IL17RC: variants seen among roughly 807,000 people sequenced by gnomAD.
IL17RC encodes interleukin-17 receptor C.
IL17RC carries 53 observed loss-of-function variants against 86.7 expected under a neutral mutation model. The ratio of observed to expected loss-of-function variants is 0.61; its 90% confidence interval spans 0.49 to 0.77. The LOEUF (loss-of-function observed/expected upper bound fraction) is 0.77, where lower values mean the gene tolerates loss of function less well. Ranked by LOEUF, IL17RC falls within the 30% of genes least tolerant of loss-of-function variation. IL17RC has a pLI of 0.00. For synonymous variants in IL17RC, 439 were observed against 413.1 expected (o/e 1.06, Z -0.76); for missense variants, 957 against 940.0 (o/e 1.02, Z -0.24).
rs1015089471 is a variant in IL17RC at position 9,933,307 on chromosome 3, C to T, written c.1877C>T (p.Pro626Leu). 1 of 1,605,106 alleles carries T rather than the reference C, an allele frequency of 6.2e-7. No individual in the cohort carries two copies. The highest frequency in any genetic ancestry group is 8.5e-7 in the Non-Finnish European group (1 of 1,175,898). Reference protein sequence around the residue: ...VLPDFLQGRAPGSYVGACFDR... With the variant: ...VLPDFLQGRALGSYVGACFDR... Reference sequence around the variant, plus strand: ...CCCGACTTCTTGCAGGGCCGGGCGCCCGGCAGCTACGTGGGGGCCTGCTTC... The same window carrying T: ...CCCGACTTCTTGCAGGGCCGGGCGCTCGGCAGCTACGTGGGGGCCTGCTTC... The change falls in exon 19 of 19, where the codon CCC becomes CTC. Residue 626 changes from proline (P) to leucine (L), a missense_variant. Pro to Leu is a moderately conservative substitution (Grantham distance 98). Coordinates refer to ENST00000403601, the MANE Select transcript of IL17RC (RefSeq NM_153460.4).
Position 9,928,158 on chromosome 3 carries a change from CT to C in IL17RC, c.823-5del. 6.2e-7 allele frequency: 1 copy of C among 1,614,054 alleles called. No individual in the cohort carries two copies. Among genetic ancestry groups the C allele is most frequent in the Non-Finnish European group, 8.5e-7 (1 of 1,179,934 alleles). On this transcript the variant is annotated splice_polypyrimidine_tract_variant and splice_region_variant and intron_variant, in intron 9 of 18. Transcript: ENST00000403601. ...GGGGACCTGAGCAGACCCCCATTTC[CT>C]TTCCAGGTGTGGCCTCTGGAACCTG...
rs1242465976 is a variant in IL17RC, at chr3:9,930,493, C to T, written c.1338+34C>T. 4.4e-6 allele frequency: 7 copies of T among 1,602,602 alleles called. No individual in the cohort carries two copies. The highest frequency in any genetic ancestry group is 6.0e-6 in the Non-Finnish European group (7 of 1,170,204). Reference sequence around the variant, plus strand: ...GTGGAAGAAGGGCCCCACCTCAATGCCTAGGGGCAACAGGCCTAAAACTAG... The same window carrying T: ...GTGGAAGAAGGGCCCCACCTCAATGTCTAGGGGCAACAGGCCTAAAACTAG... On this transcript the variant is annotated intron_variant, in intron 15 of 18. Transcript: ENST00000403601. The surrounding 1 kb of genome is among the most constrained non-coding windows in gnomAD (Gnocchi z 5.8).
chr3:9,917,386 T>C lies in IL17RC; in HGVS notation c.71T>C (p.Leu24Pro). 6.2e-7 allele frequency: 1 copy of C among 1,614,146 alleles called. No individual in the cohort carries two copies. The highest frequency in any genetic ancestry group is 8.5e-7 in the Non-Finnish European group (1 of 1,179,990). The change falls in exon 1 of 19, where the codon CTT (leucine) becomes CCT (proline). Residue 24 changes from leucine (L) to proline (P), a missense_variant. Transcript: ENST00000403601. ...RSPVVLSLER[L>P]VGPQDATHCS... The stretch of plus-strand genomic sequence containing the variant: ...CCAGTGGTCCTTTCTCTGGAGAGGC[T>C]TGTGGGGCCTCAGGACGCTACCCAC...
At position 9,928,587 on chromosome 3, in the gene IL17RC, T is replaced by G; in HGVS notation, c.1067T>G (p.Leu356Arg). ...ATTCCTCTCTTTCCACAGAAGGTTC[T>G]CGAGTTCCCATTGCTGAAAGGCCAC... ...SWENVTVDKV[L>R]EFPLLKGHPN... Residue 356 changes from leucine to arginine, a missense_variant, in exon 12 of 19, where the codon CTC (leucine) becomes CGC (arginine). Physicochemically the swap from Leu to Arg is moderately radical, Grantham distance 102 (BLOSUM62 -2). Coordinates refer to ENST00000403601, the MANE Select transcript of IL17RC (RefSeq NM_153460.4). 6.2e-7 allele frequency: 1 copy of G among 1,613,808 alleles called. No homozygotes were observed. Among genetic ancestry groups the G allele is most frequent in the Non-Finnish European group, 8.5e-7 (1 of 1,180,012 alleles).
At position 9,933,124 on chromosome 3, in the gene IL17RC, C is replaced by A; in HGVS notation, c.1694C>A (p.Ala565Glu). 1 of 1,587,404 alleles carries A rather than the reference C, an allele frequency of 6.3e-7. No individual in the cohort carries two copies. The highest frequency in any genetic ancestry group is 8.5e-7 in the Non-Finnish European group (1 of 1,171,316). ...SAQGPVAWFH[A>E]QRRQTLQEGG... ...CAGGGGCCCGTGGCTTGGTTTCACGCGCAGCGGCGCCAGACCCTGCAGGAG... is the reference window on the plus strand; with the variant it reads ...CAGGGGCCCGTGGCTTGGTTTCACGAGCAGCGGCGCCAGACCCTGCAGGAG... Residue 565 changes from alanine to glutamate, a missense_variant, in exon 19 of 19, where the codon GCG becomes GAG. Coordinates refer to ENST00000403601, the MANE Select transcript of IL17RC (RefSeq NM_153460.4).
chr3:9,920,960 A>G lies in IL17RC; in HGVS notation c.613A>G (p.Ser205Gly). ...GCTCGAAGTCTGGAACAGCATCCCG[A>G]GCTGCTGGGGTAGGGGCTAGGGCCA... ...RGLEVWNSIP[S>G]CWALPWLNVS... The change falls in exon 7 of 19, where the codon AGC (serine) becomes GGC (glycine). Residue 205 changes from serine (S) to glycine (G), a missense_variant. Coordinates refer to ENST00000403601, the MANE Select transcript of IL17RC (RefSeq NM_153460.4). 6.3e-7 allele frequency: 1 copy of G among 1,591,662 alleles called. No individual in the cohort carries two copies.
Position 9,928,610 on chromosome 3 carries a change from C to T in IL17RC, c.1090C>T (p.His364Tyr). ...KVLEFPLLKG[H>Y]PNLCVQVNSS... ...TCTCGAGTTCCCATTGCTGAAAGGC[C>T]ACCCTAACCTCTGTGTTCAGGTCAG... Residue 364 changes from histidine (H) to tyrosine (Y), a missense_variant, in exon 12 of 19, where the codon CAC becomes TAC. Coordinates refer to ENST00000403601, the MANE Select transcript of IL17RC (RefSeq NM_153460.4). The T allele has an allele frequency of 6.2e-7, 1 of 1,613,754 alleles. No homozygotes were observed. The highest frequency in any genetic ancestry group is 1.1e-5 in the South Asian group (1 of 91,072).
rs556220164 is a variant in IL17RC, at chr3:9,927,332, G to A, written c.823-834G>A. ...CCAGCACTTTGGGAGGCCAAGGTGG[G>A]TGGATCACGAGGTCAGGAGTTTGAG... On this transcript the variant is annotated intron_variant, in intron 9 of 18. Coordinates refer to ENST00000403601, the MANE Select transcript of IL17RC (RefSeq NM_153460.4). Among the ~76,000 whole-genome samples the A allele has an allele frequency of 6.7e-5, 10 of 149,584 alleles. No individual in the cohort carries two copies. In the East Asian group the frequency reaches 2.0e-3, roughly 30 times the overall value.
rs190305108 is a variant in IL17RC, at chr3:9,932,547, G to A, written c.1388-61G>A. The A allele has an allele frequency of 4.1e-6, 6 of 1,451,980 alleles. No individual in the cohort carries two copies. The Admixed American group carries it at 6.7e-5, about 16-fold the overall frequency. 89.9% of individuals were successfully genotyped at this position (1,451,980 alleles called of 1,614,324 possible). A position where few individuals can be genotyped will look rare whatever the true frequency, so the allele number is the denominator to read the frequency against. On this transcript the variant is annotated intron_variant, in intron 16 of 18. Coordinates refer to ENST00000403601, the MANE Select transcript of IL17RC (RefSeq NM_153460.4). ...ACCCGGCCCAATTCATTTCTGTTAAGTCTCAGTTTTTCTTCTCTGTGGAGG... is the reference window on the plus strand; with the variant it reads ...ACCCGGCCCAATTCATTTCTGTTAAATCTCAGTTTTTCTTCTCTGTGGAGG...
At position 9,923,985 on chromosome 3, in the gene IL17RC, C is replaced by A; in HGVS notation, c.727C>A (p.Gln243Lys). 6.2e-7 allele frequency: 1 copy of A among 1,614,136 alleles called. No individual in the cohort carries two copies. Among genetic ancestry groups the A allele is most frequent in the Non-Finnish European group, 8.5e-7 (1 of 1,180,032 alleles). ...CCTCTCCCTGTACTGGAATCAGGTC[C>A]AGGGCCCCCCAAAACCCCGGTGGCA... The part of the protein sequence containing the change: ...FGLSLYWNQV[Q>K]GPPKPRWHKN... The change falls in exon 8 of 19, where the codon CAG becomes AAG. Residue 243 changes from glutamine to lysine, a missense_variant. Coordinates refer to ENST00000403601, the MANE Select transcript of IL17RC (RefSeq NM_153460.4).
At chr3:9,928,120 A>ACATGCC (rs1412991347) in intron 9 of IL17RC, 46 bp from the exon 10 acceptor site, 1 of 1,587,072 alleles carries the variant, frequency 6.3e-7, no homozygotes, top group Non-Finnish European at 8.7e-7. Flanking sequence ...AGGGCCAGGC[A>ACATGCC]CATGCCCATG....
Position 9,929,898 on chromosome 3 carries a change from G to A in IL17RC, c.1156+1G>A. 1.2e-6 allele frequency: 2 copies of A among 1,614,156 alleles called. No individual in the cohort carries two copies. Among genetic ancestry groups the A allele is most frequent in the Non-Finnish European group, 1.7e-6 (2 of 1,180,024 alleles). On this transcript the variant is annotated splice_donor_variant, in intron 13 of 18. Coordinates refer to ENST00000403601, the MANE Select transcript of IL17RC (RefSeq NM_153460.4). LOFTEE classifies it high-confidence loss of function. ...CAGCTGCAGGAGTGCTTGTGGGCTG[G>A]TGAGTTGGGCCTGGGGGCAGCTGGG...
chr3:9,919,131 T>C (rs2083337960), intron 5 of IL17RC: 1 of 152,260 alleles, frequency 6.6e-6, no homozygotes, highest in Admixed American at 6.5e-5. Flanking sequence ...GTTCCAGTTG[T>C]AGTATATGTG....
In IL17RC at chr3:9,918,358, G is replaced by A. The variant is rs1203753318; in HGVS notation, c.304G>A (p.Glu102Lys). 6.2e-7 allele frequency: 1 copy of A among 1,601,762 alleles called. No homozygotes were observed. The highest frequency in any genetic ancestry group is 8.5e-7 in the Non-Finnish European group (1 of 1,174,122). Residue 102 changes from glutamate (E) to lysine (K), a missense_variant, in exon 4 of 19, where the codon GAG becomes AAG. By Grantham distance (56) the Glu-to-Lys change is moderately conservative. Transcript: ENST00000403601. ...AGGGCACTGGGAAGAGCCTGAAGATGAGGAAAAGTTTGGAGGAGCAGCTGA... is the reference window on the plus strand; with the variant it reads ...AGGGCACTGGGAAGAGCCTGAAGATAAGGAAAAGTTTGGAGGAGCAGCTGA... Reference protein sequence around the residue: ...VHGHWEEPEDEEKFGGAADSG... With the variant: ...VHGHWEEPEDKEKFGGAADSG...
intron 9 of IL17RC, among the ~76,000 whole-genome samples, chr3:9,925,666 G>GGGGAGCTAC (rs1397858035): frequency 9.9e-5 from 15 of 151,784 alleles, no homozygotes; most frequent in South Asian, 8.4e-4. Flanking sequence ...TGAGAACATT[G>GGGGAGCTAC]TTACATCCAG....
Position 9,930,609 on chromosome 3 carries a change from C to T in IL17RC, c.1338+150C>T, listed in dbSNP as rs2125279759. 1.3e-6 allele frequency: 1 copy of T among 797,028 alleles called. No homozygotes were observed. Among genetic ancestry groups the T allele is most frequent in the African/African-American group, 1.7e-5 (1 of 58,202 alleles). 49.4% of individuals were successfully genotyped at this position (797,028 alleles called of 1,614,324 possible). A position where few individuals can be genotyped will look rare whatever the true frequency, so the allele number is the denominator to read the frequency against. On this transcript the variant is annotated intron_variant, in intron 15 of 18. Transcript: ENST00000403601. This position sits in a 1 kb window ranked among gnomAD's most constrained non-coding sequence, Gnocchi z 5.8. ...GCACAGTTCCTATCCCCAAGGAGCA[C>T]ACTGTTGGCTAGACACCCATAAACA...
chr3:9,919,607 C>T (rs2083383942), intron 5 of IL17RC, among the ~76,000 whole-genome samples: 1 of 152,062 alleles, frequency 6.6e-6, no homozygotes. Flanking sequence ...GATCGCGCCA[C>T]TGCACTCCAG....
chr3:9,928,114 C>T, intron 9 of IL17RC, 52 bp from the exon 10 acceptor site: 2 of 1,566,738 alleles, frequency 1.3e-6, no homozygotes, highest in Non-Finnish European at 1.8e-6. Flanking sequence ...CAGCAGAGGG[C>T]CAGGCACATG....
intron 12 of IL17RC, 90 bp downstream of exon 12, chr3:9,928,720 A>G (rs2084353615): frequency 7.2e-7 from 1 of 1,382,282 alleles, no homozygotes; most frequent in South Asian, 1.2e-5. Context: ...CCGCTAAAGC[A>G]TAGTGGTTGC....
Sources: allele counts gnomAD v4.1 joint callset (sites outside exome capture counted in the v4.1 genomes callset), GRCh38; gene constraint gnomAD v4.1.1; non-coding constraint Gnocchi (gnomAD v3.1); transcripts MANE v1.5; gene names NCBI Gene and HGNC (gene_info 2026-07-23, HGNC 2026-07-21).